The following PAQR4 variants were observed in gnomAD, a reference collection of about 807,000 sequenced individuals.
PAQR4 encodes progestin and adipoQ receptor family member 4.
A neutral mutation model predicts 20.9 loss-of-function variants in PAQR4; 26 were observed. That is an observed-to-expected ratio of 1.24 (90% CI 0.91 to 1.73). The LOEUF (loss-of-function observed/expected upper bound fraction) is 1.73. PAQR4 is among the 40% of genes most tolerant of loss of function. The pLI is 0.00. For synonymous variants in PAQR4, 193 were observed against 171.6 expected, an observed-to-expected ratio of 1.12 and a Z score of -0.97; for missense variants, 400 against 380.1, an observed-to-expected ratio of 1.05 and a Z score of -0.44.
rs2071922072 is a variant in PAQR4 at position 2,969,562 on chromosome 16, G to A, written c.-113G>A. The A allele has an allele frequency of 8.1e-7, 1 of 1,240,836 alleles. No homozygotes were observed. The highest frequency in any genetic ancestry group is 1.0e-6 in the Non-Finnish European group (1 of 961,956). 76.9% of individuals were successfully genotyped at this position (1,240,836 alleles called of 1,614,324 possible). A position where few individuals can be genotyped will look rare whatever the true frequency, so the allele number is the denominator to read the frequency against. The stretch of plus-strand genomic sequence containing the variant: ...TGCGCCGATCGAGCGCAGGGCGATG[G>A]GTGGGCGCCGGGCGCCGGGCGCCAG... On this transcript the variant is annotated 5_prime_UTR_variant, in exon 1 of 3. Coordinates refer to ENST00000318782, the MANE Select transcript of PAQR4 (RefSeq NM_152341.5).
At chr16:2,970,993 C>T (rs1444547294) in intron 1 of PAQR4, 164 bp from the exon 2 acceptor site, 11 of 657,416 alleles carry the variant, frequency 1.7e-5, no homozygotes, top group African/African-American at 3.6e-5. Context: ...GTAACCAGTG[C>T]CAAAAGCCTT....
At position 2,972,832 on chromosome 16, in the gene PAQR4, C is replaced by CT. The variant is rs2072034193; in HGVS notation, c.*889dup. ...CTTGGGTGCTCCCAAGGTTCAAATA[C>CT]TTTTTATTAGACACGGCCAGGCAGA... On this transcript the variant is annotated 3_prime_UTR_variant, in exon 3 of 3. Transcript: ENST00000318782. 6.5e-6 allele frequency: 10 copies of CT among 1,533,320 alleles called. No individual in the cohort carries two copies. Among genetic ancestry groups the CT allele is most frequent in the Non-Finnish European group, 8.8e-6 (10 of 1,135,370 alleles). The allele number at this position is 1,533,320 out of a possible 1,614,324, so 95.0% of individuals were successfully genotyped here.
At position 2,973,077 on chromosome 16, in the gene PAQR4, A is replaced by G. The variant is rs2072047320; in HGVS notation, c.*1129A>G. On this transcript the variant is annotated 3_prime_UTR_variant, in exon 3 of 3. Coordinates refer to ENST00000318782, the MANE Select transcript of PAQR4 (RefSeq NM_152341.5). ...GTCCAGGGCATCCCTGGGAGGAGAG[A>G]GTAGTGACACTCAGGATCCAAAAGC... 4 of 1,587,604 alleles carry G rather than the reference A, an allele frequency of 2.5e-6. No individual in the cohort carries two copies. The highest frequency in any genetic ancestry group is 3.4e-6 in the Non-Finnish European group (4 of 1,166,522).
In PAQR4 at chr16:2,970,132, C is replaced by A. The variant is rs182204471; in HGVS notation, c.166+292C>A. The A allele has an allele frequency of 5.2e-3, 1,915 of 366,204 alleles. 12 individuals carry two copies. Among genetic ancestry groups the A allele is most frequent in the Middle Eastern group, 0.014 (19 of 1,318 alleles). 22.7% of individuals were successfully genotyped at this position (366,204 alleles called of 1,614,324 possible). On this transcript the variant is annotated intron_variant, in intron 1 of 2. Coordinates refer to ENST00000318782, the MANE Select transcript of PAQR4 (RefSeq NM_152341.5). ...GCATGGTGTCCGGCCTCTGTAATCC[C>A]AGCGCCCTGGGAACCCCCTCCCGCC... is the stretch of plus-strand genomic sequence containing the variant.
intron 1 of PAQR4, 179 bp downstream of exon 1, chr16:2,970,019 T>A: frequency 1.2e-6 from 1 of 862,722 alleles, no homozygotes; most frequent in Non-Finnish European, 1.7e-6. Context: ...CCAGCTTCCG[T>A]TTTCCCGGCG....
Position 2,971,550 on chromosome 16 carries a change from A to C in PAQR4, c.424A>C (p.Arg142=). 5.0e-6 allele frequency: 8 copies of C among 1,594,138 alleles called. No homozygotes were observed. Among genetic ancestry groups the C allele is most frequent in the Non-Finnish European group, 6.8e-6 (8 of 1,175,844 alleles). ...LPIIHCTLAC[R]PWLRPAALVG... ...CATCATCCACTGCACCCTGGCCTGC[A>C]GGCCCTGGCTGCGCCCGGCTGCCCT... Residue 142 remains arginine, a synonymous_variant, in exon 3 of 3, where the codon AGG becomes CGG. Transcript: ENST00000318782.
rs375330411 is a variant in PAQR4 at position 2,973,269 on chromosome 16, T to C, written c.*1321T>C. 9.4e-6 allele frequency: 14 copies of C among 1,485,518 alleles called. No homozygotes were observed. The African/African-American group carries it at 1.8e-4, about 20-fold the overall frequency. 92.0% of individuals were successfully genotyped at this position (1,485,518 alleles called of 1,614,324 possible). A position where few individuals can be genotyped will look rare whatever the true frequency, so the allele number is the denominator to read the frequency against. ...GTGTCCAGGGCTAGGGAGTGCCGGA[T>C]GAAACCAGCTCTGTCCCTGTGCAGG... On this transcript the variant is annotated 3_prime_UTR_variant, in exon 3 of 3. Coordinates refer to ENST00000318782, the MANE Select transcript of PAQR4 (RefSeq NM_152341.5).
In PAQR4 at chr16:2,972,461, A is replaced by C. The variant is rs1414805924; in HGVS notation, c.*513A>C. 17 of 697,754 alleles carry C rather than the reference A, an allele frequency of 2.4e-5. No homozygotes were observed. Among genetic ancestry groups the C allele is most frequent in the Non-Finnish European group, 3.7e-5 (16 of 429,492 alleles). The allele number at this position is 697,754 out of a possible 1,614,324, so 43.2% of individuals were successfully genotyped here. ...TATGGAGTAAGGCATTCAGGACAAA[A>C]GGACCAAGGGGGCGTGGACCCGTCT... On this transcript the variant is annotated 3_prime_UTR_variant, in exon 3 of 3. Coordinates refer to ENST00000318782, the MANE Select transcript of PAQR4 (RefSeq NM_152341.5).
chr16:2,972,882 G>A lies in PAQR4; in HGVS notation c.*934G>A, dbSNP rs1380869263. ...AGAAGACCATGGGAGTTCCCGAGGG[G>A]CCCCAGCTTTCAAGGGCGACGGGAG... On this transcript the variant is annotated 3_prime_UTR_variant, in exon 3 of 3. Transcript: ENST00000318782. The A allele has an allele frequency of 4.5e-6, 7 of 1,542,878 alleles. No individual in the cohort carries two copies. In the Admixed American group the frequency reaches 1.4e-4, roughly 31 times the overall value.
At position 2,969,567 on chromosome 16, in the gene PAQR4, G is replaced by A; in HGVS notation, c.-108G>A. ...CGATCGAGCGCAGGGCGATGGGTGGGCGCCGGGCGCCGGGCGCCAGGCAGT... is the reference window on the plus strand; with the variant it reads ...CGATCGAGCGCAGGGCGATGGGTGGACGCCGGGCGCCGGGCGCCAGGCAGT... On this transcript the variant is annotated 5_prime_UTR_variant, in exon 1 of 3. Transcript: ENST00000318782. 8.0e-7 allele frequency: 1 copy of A among 1,251,836 alleles called. No individual in the cohort carries two copies. The allele number at this position is 1,251,836 out of a possible 1,614,324, so 77.5% of individuals were successfully genotyped here. A position where few individuals can be genotyped will look rare whatever the true frequency, so the allele number is the denominator to read the frequency against.
At position 2,971,151 on chromosome 16, in the gene PAQR4, C is replaced by T. The variant is rs749737770; in HGVS notation, c.167-6C>T. 26 of 1,612,702 alleles carry T rather than the reference C, an allele frequency of 1.6e-5. No individual in the cohort carries two copies. The South Asian group carries it at 2.9e-4, about 18-fold the overall frequency. On this transcript the variant is annotated splice_polypyrimidine_tract_variant and splice_region_variant and intron_variant, in intron 1 of 2. Coordinates refer to ENST00000318782, the MANE Select transcript of PAQR4 (RefSeq NM_152341.5). ...CTATCTGGTAGATGACTGTCTCCCTCCCTAGGGCTGGCCCTGCTGGGCTTC... is the reference window on the plus strand; with the variant it reads ...CTATCTGGTAGATGACTGTCTCCCTTCCTAGGGCTGGCCCTGCTGGGCTTC...
In PAQR4 at chr16:2,971,839, A is replaced by C. The variant is rs770544488; in HGVS notation, c.713A>C (p.Asn238Thr). Residue 238 changes from asparagine to threonine, a missense_variant, in exon 3 of 3, where the codon AAC becomes ACC. By Grantham distance (65) the Asn-to-Thr change is moderately conservative. Transcript: ENST00000318782. ...CCTGGCCGCTTTGACTACTGGGGCA[A>C]CTCCCACCAGATCATGCACCTGCTG... ...WGPGRFDYWG[N>T]SHQIMHLLSV... is the part of the protein sequence containing the mutation. 3.7e-5 allele frequency: 59 copies of C among 1,611,938 alleles called. No individual in the cohort carries two copies. In the Admixed American group the frequency reaches 9.7e-4, roughly 26 times the overall value.
Position 2,971,242 on chromosome 16 carries a change from A to G in PAQR4, c.252A>G (p.Thr84=), listed in dbSNP as rs757749741. The G allele has an allele frequency of 4.3e-6, 7 of 1,613,100 alleles. No individual in the cohort carries two copies. Among genetic ancestry groups the G allele is most frequent in the Non-Finnish European group, 5.9e-6 (7 of 1,180,006 alleles). Residue 84 remains threonine (T), a synonymous_variant, in exon 2 of 3, where the codon ACA becomes ACG. Transcript: ENST00000318782. ...GCAAGGATGGCTGGCTGGGAGGCAC[A>G]CATTGCGTGGCCTGCCTTGCACCCC... is the stretch of plus-strand genomic sequence containing the variant. ...QLGKDGWLGG[T]HCVACLAPPA... is the part of the protein sequence containing the mutation.
In PAQR4 at chr16:2,973,379, CA is replaced by C; in HGVS notation, c.*1432del. ...GTGCACTCTGAAAGCAGCACTTGGA[CA>C]GCCTTCAAAGTCCTTCCATCTGGCT... On this transcript the variant is annotated 3_prime_UTR_variant, in exon 3 of 3. Coordinates refer to ENST00000318782, the MANE Select transcript of PAQR4 (RefSeq NM_152341.5). The C allele has an allele frequency of 6.5e-7, 1 of 1,539,884 alleles. No homozygotes were observed. Among genetic ancestry groups the C allele is most frequent in the Non-Finnish European group, 8.7e-7 (1 of 1,146,118 alleles).
Position 2,972,027 on chromosome 16 carries a change from C to A in PAQR4, c.*79C>A. ...TTCCTCCCAACTCGTCTGCAAGGGG[C>A]TGGCTCCTTGGATGCTTCCAGCTCA... is the stretch of plus-strand genomic sequence containing the variant. On this transcript the variant is annotated 3_prime_UTR_variant, in exon 3 of 3. Transcript: ENST00000318782. The A allele has an allele frequency of 1.5e-6, 2 of 1,378,082 alleles. No individual in the cohort carries two copies. The highest frequency in any genetic ancestry group is 1.9e-6 in the Non-Finnish European group (2 of 1,034,550). The allele number at this position is 1,378,082 out of a possible 1,614,324, so 85.4% of individuals were successfully genotyped here.
At chr16:2,970,099 G>A (rs559042740) in intron 1 of PAQR4, 21 of 482,214 alleles carry the variant, frequency 4.4e-5, no homozygotes, top group African/African-American at 3.1e-4. Context: ...GAGCCCCAGG[G>A]GTAGGGAGCA....
rs2072015995 is a variant in PAQR4 at position 2,972,240 on chromosome 16, A to G, written c.*292A>G. 5.7e-6 allele frequency: 3 copies of G among 525,180 alleles called. No individual in the cohort carries two copies. Among genetic ancestry groups the G allele is most frequent in the Non-Finnish European group, 6.7e-6 (2 of 299,006 alleles). The allele number at this position is 525,180 out of a possible 1,614,324, so 32.5% of individuals were successfully genotyped here. The stretch of plus-strand genomic sequence containing the variant: ...CCTCTGTGACCTGTGGGGTTAGACC[A>G]GAGAGGGACTCTGGGGTCACGTCTT... On this transcript the variant is annotated 3_prime_UTR_variant, in exon 3 of 3. Transcript: ENST00000318782.
chr16:2,969,835 C>T lies in PAQR4; in HGVS notation c.161C>T (p.Thr54Met), dbSNP rs748665452. Reference protein sequence around the residue: ...YLHNELGNIYTHGLALLGFLV... With the variant: ...YLHNELGNIYMHGLALLGFLV... ...CACAACGAACTGGGCAACATCTACA[C>T]GCACGGTGAGCCGCGTCCCGCAACG... Residue 54 changes from threonine (T) to methionine (M), a missense_variant, in exon 1 of 3, where the codon ACG (threonine) becomes ATG (methionine). Coordinates refer to ENST00000318782, the MANE Select transcript of PAQR4 (RefSeq NM_152341.5). The T allele has an allele frequency of 1.9e-6, 3 of 1,610,110 alleles. No homozygotes were observed. The highest frequency in any genetic ancestry group is 1.7e-5 in the Admixed American group (1 of 59,940).
chr16:2,969,801 T>G lies in PAQR4; in HGVS notation c.127T>G (p.Phe43Val), dbSNP rs753814744. ...CGGCTCGGGCTGCCTGCGCAGCCTC[T>G]TCTACCTGCACAACGAACTGGGCAA... ...SSGSGCLRSL[F>V]YLHNELGNIY... is the part of the protein sequence containing the mutation. Residue 43 changes from phenylalanine (F) to valine (V), a missense_variant, in exon 1 of 3, where the codon TTC (phenylalanine) becomes GTC (valine). By Grantham distance (50) the Phe-to-Val change is conservative (BLOSUM62 -1). Coordinates refer to ENST00000318782, the MANE Select transcript of PAQR4 (RefSeq NM_152341.5). The G allele has an allele frequency of 1.2e-6, 2 of 1,610,704 alleles. No individual in the cohort carries two copies. Among genetic ancestry groups the G allele is most frequent in the Non-Finnish European group, 1.7e-6 (2 of 1,179,106 alleles).
Sources: allele counts gnomAD v4.1 joint callset, GRCh38; gene constraint gnomAD v4.1.1; transcripts MANE v1.5; gene names NCBI Gene and HGNC (gene_info 2026-07-23, HGNC 2026-07-21).